Variants in TENM4 observed in about 807,000 individuals in gnomAD.
TENM4 encodes teneurin-4.
In TENM4, 82 loss-of-function variants were observed where a neutral mutation model predicts 243.3. That is an observed-to-expected ratio of 0.34 (90% CI 0.28 to 0.40). The LOEUF (loss-of-function observed/expected upper bound fraction) is 0.40. Ranked by LOEUF, TENM4 falls within the 10% of genes least tolerant of loss-of-function variation. TENM4 has a pLI of 1.00. For missense variants in TENM4, 3,138 were observed against 3,673.3 expected, an observed-to-expected ratio of 0.85 and a Z score of 3.77; for synonymous variants, 1,412 against 1,456.3, an observed-to-expected ratio of 0.97 and a Z score of 0.69.
At chr11:79,298,505 G>A (rs1294483092) in intron 1 of TENM4, among the ~76,000 whole-genome samples, 20 of 118,466 alleles carry the variant, frequency 1.7e-4, no homozygotes, top group African/African-American at 6.4e-4. Context: ...CTGGGTGACA[G>A]AGCAAGACTC....
At chr11:78,672,441 G>C in intron 30 of TENM4, 112 bp from the exon 31 acceptor site, 1 of 1,118,874 alleles carries the variant, frequency 8.9e-7, no homozygotes. Flanking sequence ...AGAGGAGGGA[G>C]CACAGTCCTG....
chr11:79,221,166 T>C (rs1392492394), intron 2 of TENM4: 1 of 152,230 alleles, frequency 6.6e-6, no homozygotes, highest in Non-Finnish European at 1.5e-5. Context: ...AGCATCAAAA[T>C]TGGATTCAAA....
intron 17 of TENM4, among the ~76,000 whole-genome samples, chr11:78,774,485 T>C (rs569617818): frequency 3.3e-5 from 5 of 152,338 alleles, no homozygotes; most frequent in Admixed American, 6.5e-5. Flanking sequence ...TCCTAGCATA[T>C]TGTACTTCTC....
At chr11:79,332,398 C>A (rs957522838) in intron 1 of TENM4, among the ~76,000 whole-genome samples, 1 of 152,136 alleles carries the variant, frequency 6.6e-6, no homozygotes, top group Non-Finnish European at 1.5e-5. Context: ...CTCCATGTGG[C>A]CAGGTGAAAA....
intron 4 of TENM4, among the ~76,000 whole-genome samples, chr11:79,082,236 C>G (rs537892793): frequency 6.6e-6 from 1 of 152,154 alleles, no homozygotes; most frequent in African/African-American, 2.4e-5. Context: ...GAAACCTTTG[C>G]GAGCCAACCC....
At chr11:78,929,556 T>C (rs1261385849) in intron 6 of TENM4, among the ~76,000 whole-genome samples, 1 of 152,124 alleles carries the variant, frequency 6.6e-6, no homozygotes. Flanking sequence ...TTGGGGACTA[T>C]GTGATGAAAT....
chr11:78,667,362 G>T (rs1858182688), intron 32 of TENM4, among the ~76,000 whole-genome samples: 1 of 152,130 alleles, frequency 6.6e-6, no homozygotes, highest in African/African-American at 2.4e-5. Flanking sequence ...GGGTCCAGGT[G>T]GGGGCTACCA....
intron 1 of TENM4, among the ~76,000 whole-genome samples, chr11:79,299,995 C>A (rs1008572279): frequency 1.3e-5 from 2 of 152,108 alleles, no homozygotes; most frequent in Non-Finnish European, 2.9e-5. Context: ...ACAAATGGAC[C>A]CCTGACTATT....
intron 1 of TENM4, among the ~76,000 whole-genome samples, chr11:79,340,367 C>T (rs969469513): frequency 1.3e-5 from 2 of 151,962 alleles, no homozygotes; most frequent in African/African-American, 2.4e-5. Context: ...TTGGTGCTGG[C>T]AGAGAAGGCA....
intron 12 of TENM4, among the ~76,000 whole-genome samples, chr11:78,826,575 A>C (rs1370260338): frequency 2.0e-5 from 3 of 152,110 alleles, no homozygotes; most frequent in African/African-American, 7.2e-5. Flanking sequence ...TTCTGTCTCC[A>C]GGCCTGCCCC....
intron 6 of TENM4, among the ~76,000 whole-genome samples, chr11:78,926,033 TATA>T (rs1856545042): frequency 6.6e-6 from 1 of 151,982 alleles, no homozygotes; most frequent in Admixed American, 6.6e-5. Flanking sequence ...CAAAAATGAT[TATA>T]ATATTATGAT....
intron 3 of TENM4, among the ~76,000 whole-genome samples, chr11:79,194,405 T>C (rs10899602): frequency 0.34 from 52,164 of 151,674 alleles, 9,228 homozygotes; most frequent in East Asian, 0.43. Flanking sequence ...CAGAAGAAGA[T>C]AGGAAAATGT....
At chr11:79,017,384 G>C (rs770474235) in intron 6 of TENM4, among the ~76,000 whole-genome samples, 5 of 152,140 alleles carry the variant, frequency 3.3e-5, no homozygotes, top group Non-Finnish European at 7.4e-5. Flanking sequence ...TGAGAAGAGT[G>C]GGTGGCTACT....
chr11:79,067,256 C>A (rs751188317), intron 5 of TENM4, among the ~76,000 whole-genome samples: 47 of 152,204 alleles, frequency 3.1e-4, no homozygotes, highest in Admixed American at 9.2e-4. Context: ...AATCTGCCCT[C>A]CGATTTTGCT....
intron 6 of TENM4, among the ~76,000 whole-genome samples, chr11:78,981,073 T>G (rs867294096): frequency 6.6e-6 from 1 of 152,142 alleles, no homozygotes. Context: ...CAGAGAGCAC[T>G]GACATCCATA....
chr11:79,148,449 AG>A (rs1234464603), intron 4 of TENM4, among the ~76,000 whole-genome samples: 1 of 152,008 alleles, frequency 6.6e-6, no homozygotes, highest in Non-Finnish European at 1.5e-5. Flanking sequence ...AGCATCCAGG[AG>A]GGAATGGTCC....
At chr11:79,231,756 C>T (rs1449717191) in intron 2 of TENM4, among the ~76,000 whole-genome samples, 1 of 152,204 alleles carries the variant, frequency 6.6e-6, no homozygotes, top group Non-Finnish European at 1.5e-5. Context: ...GAACATTAGT[C>T]CTGAGTGCAA....
At chr11:78,810,777 A>G (rs1461526496) in intron 14 of TENM4, among the ~76,000 whole-genome samples, 1 of 152,162 alleles carries the variant, frequency 6.6e-6, no homozygotes, top group Non-Finnish European at 1.5e-5. Flanking sequence ...TTTTTAGAGC[A>G]AAATGACGCC....
chr11:79,291,639 C>T (rs1018438775), intron 2 of TENM4, among the ~76,000 whole-genome samples: 6 of 152,078 alleles, frequency 3.9e-5, no homozygotes, highest in African/African-American at 7.2e-5. Context: ...ATTGCTGGGC[C>T]GAGGGGGTGG....
Sources: gnomAD v4.1 joint callset for allele counts (sites outside exome capture counted in the v4.1 genomes callset) on GRCh38, gnomAD v4.1.1 for gene constraint, MANE v1.5 for transcripts, NCBI Gene and HGNC (gene_info 2026-07-23, HGNC 2026-07-21) for gene names.